RBFOX1: variants seen among roughly 807,000 people sequenced by gnomAD.
RBFOX1 encodes RNA binding protein fox-1 homolog 1.
A neutral mutation model predicts 57.7 loss-of-function variants in RBFOX1; 8 were observed. That is an observed-to-expected ratio of 0.14 (90% CI 0.08 to 0.25). The LOEUF is 0.25. RBFOX1 is among the 10% of genes least tolerant of loss of function. The probability of loss-of-function intolerance (pLI) is 1.00; values close to 1 mark genes in which losing one functional copy is unlikely to be tolerated. For missense variants in RBFOX1, 611 were observed against 548.5 expected (o/e 1.11, Z -1.14); for synonymous variants, 326 against 222.4 (o/e 1.47, Z -4.15).
intron 3 of RBFOX1, among the ~76,000 whole-genome samples, chr16:6,768,472 C>G (rs1056175481): frequency 6.6e-6 from 1 of 151,782 alleles, no homozygotes; most frequent in South Asian, 2.1e-4. Context: ...CCCACACAAG[C>G]CTTCTAAATG....
At chr16:6,999,225 A>ATTTTTTATTTT (rs200620958) in intron 3 of RBFOX1, among the ~76,000 whole-genome samples, 6 of 122,954 alleles carry the variant, frequency 4.9e-5, no homozygotes, top group Admixed American at 2.6e-4. Context: ...TATTTTTTTT[A>ATTTTTTATTTT]TTTATTTTTT....
chr16:5,971,264 A>C (rs1049446902), intron 4 of RBFOX1, among the ~76,000 whole-genome samples: 4 of 152,198 alleles, frequency 2.6e-5, no homozygotes, highest in Non-Finnish European at 5.9e-5. Context: ...TTCTGAGCCA[A>C]ATCAGTTTAG....
chr16:5,430,573 A>G (rs1166766204), intron 1 of RBFOX1, among the ~76,000 whole-genome samples: 1 of 152,190 alleles, frequency 6.6e-6, no homozygotes, highest in Non-Finnish European at 1.5e-5. Context: ...TCCAGGATTT[A>G]AACGCTAAGC....
intron 2 of RBFOX1, among the ~76,000 whole-genome samples, chr16:6,419,513 A>G (rs539499970): frequency 6.6e-6 from 1 of 152,314 alleles, no homozygotes; most frequent in Non-Finnish European, 1.5e-5. Flanking sequence ...ATTCAAGTAC[A>G]TTTCTACCAA....
chr16:6,732,297 A>T (rs911900638), intron 3 of RBFOX1, among the ~76,000 whole-genome samples: 30 of 152,168 alleles, frequency 2.0e-4, no homozygotes, highest in Non-Finnish European at 3.4e-4. Flanking sequence ...CAGCTCCAGA[A>T]TTCACCGTCT....
chr16:5,623,558 G>A (rs2048260564), intron 3 of RBFOX1, among the ~76,000 whole-genome samples: 1 of 149,950 alleles, frequency 6.7e-6, no homozygotes, highest in Admixed American at 6.6e-5. Context: ...GTGGCCGGAG[G>A]ACCACATGGT....
intron 4 of RBFOX1, among the ~76,000 whole-genome samples, chr16:7,250,433 C>T (rs1266525274): frequency 2.0e-5 from 3 of 152,272 alleles, no homozygotes; most frequent in Non-Finnish European, 2.9e-5. Flanking sequence ...TAAGTGAAAT[C>T]CTTCCTAAGT....
In RBFOX1 at chr16:5,905,064, C is replaced by CTTTT. The variant is rs57349384; in HGVS notation, c.351+37746_351+37749dup. On this transcript the variant is annotated intron_variant, in intron 4 of 19. Coordinates refer to the RBFOX1 transcript ENST00000641259. ...CCCATATGACTCCATATGACTGGTG[C>CTTTT]TTTTTTTTTTTTTTTTTTTTGAGAC... Among the ~76,000 whole-genome samples, 280 of 78,444 alleles carry CTTTT rather than the reference C, an allele frequency of 3.6e-3. 8 individuals carry two copies. The highest frequency in any genetic ancestry group is 0.012 in the African/African-American group (233 of 18,862). 51.5% of individuals were successfully genotyped at this position (78,444 alleles called of 152,430 possible).
At chr16:7,301,948 G>A (rs1417834243) in intron 4 of RBFOX1, among the ~76,000 whole-genome samples, 1 of 152,150 alleles carries the variant, frequency 6.6e-6, no homozygotes, top group Non-Finnish European at 1.5e-5. Flanking sequence ...AGTAAGAGAA[G>A]AAAAGAGGGA....
In RBFOX1 at chr16:7,409,074, C is replaced by T. The variant is rs140239667; in HGVS notation, c.28-109073C>T. Among the ~76,000 whole-genome samples the T allele has an allele frequency of 4.1e-3, 627 of 152,332 alleles. 10 individuals carry two copies. Among genetic ancestry groups the T allele is most frequent in the Non-Finnish European group, 3.3e-3 (225 of 68,038 alleles). On this transcript the variant is annotated intron_variant, in intron 4 of 15. Coordinates refer to ENST00000550418, the MANE Select transcript of RBFOX1 (RefSeq NM_018723.4). ...GCAAAGACGAGATTGCCTTGAACTC[C>T]TCCAGCTTTTCCCGATAACCCTGAG... is the stretch of plus-strand genomic sequence containing the variant.
intron 3 of RBFOX1, among the ~76,000 whole-genome samples, chr16:6,991,858 G>A (rs1043263718): frequency 6.6e-6 from 1 of 152,136 alleles, no homozygotes; most frequent in African/African-American, 2.4e-5. Flanking sequence ...AAATGTTAAT[G>A]TGCATAGGAA....
intron 3 of RBFOX1, among the ~76,000 whole-genome samples, chr16:5,816,912 G>T (rs1056352634): frequency 1.3e-5 from 2 of 152,170 alleles, no homozygotes; most frequent in Non-Finnish European, 2.9e-5. Flanking sequence ...TGGAGTACCT[G>T]AGATGTGTTG....
chr16:6,176,382 C>G (rs2097009469), intron 1 of RBFOX1, among the ~76,000 whole-genome samples: 1 of 139,016 alleles, frequency 7.2e-6, no homozygotes, highest in East Asian at 2.3e-4. Flanking sequence ...TGGTCTCAAA[C>G]TCCTGACCTC....
intron 3 of RBFOX1, among the ~76,000 whole-genome samples, chr16:6,935,327 C>T (rs1015275314): frequency 8.5e-5 from 13 of 152,066 alleles, no homozygotes; most frequent in Admixed American, 8.5e-4. Flanking sequence ...GATAGTTTCC[C>T]TTCATAAAGT....
chr16:6,619,533 C>A (rs886295653), intron 2 of RBFOX1, among the ~76,000 whole-genome samples: 5 of 152,068 alleles, frequency 3.3e-5, no homozygotes, highest in Non-Finnish European at 7.4e-5. Flanking sequence ...ACTGTAAACT[C>A]AGCTTAAGCA....
intron 4 of RBFOX1, among the ~76,000 whole-genome samples, chr16:7,334,008 C>G (rs565104688): frequency 6.6e-6 from 1 of 152,128 alleles, no homozygotes; most frequent in Non-Finnish European, 1.5e-5. Context: ...TACGTCCTTT[C>G]ACCTTTACTC....
Position 7,375,166 on chromosome 16 carries a change from A to G in RBFOX1, c.28-142981A>G, listed in dbSNP as rs116616599. On this transcript the variant is annotated intron_variant, in intron 4 of 15. Coordinates refer to ENST00000550418, the MANE Select transcript of RBFOX1 (RefSeq NM_018723.4). The stretch of plus-strand genomic sequence containing the variant: ...TCAGTAACGTTGGTAGATTAATATC[A>G]TTATCCCTACCCTATGATAAAGATT... 5.9e-3 allele frequency among the ~76,000 whole-genome samples: 894 copies of G among 152,364 alleles called. 8 individuals are homozygous for G. Among genetic ancestry groups the G allele is most frequent in the African/African-American group, 0.016 (686 of 41,582 alleles).
intron 4 of RBFOX1, among the ~76,000 whole-genome samples, chr16:7,120,790 C>G (rs541696434): frequency 1.7e-5 from 2 of 115,010 alleles, no homozygotes; most frequent in African/African-American, 3.1e-5. Flanking sequence ...TAATCTGATA[C>G]GAAAACCAGG....
chr16:7,228,357 A>T (rs910676558), intron 4 of RBFOX1, among the ~76,000 whole-genome samples: 1 of 152,152 alleles, frequency 6.6e-6, no homozygotes, highest in African/African-American at 2.4e-5. Flanking sequence ...ATCTTCTCCT[A>T]CTACCCCCCG....
Sources: allele counts gnomAD v4.1 joint callset (sites outside exome capture counted in the v4.1 genomes callset), GRCh38; gene constraint gnomAD v4.1.1; transcripts MANE v1.5; gene names NCBI Gene and HGNC (gene_info 2026-07-23, HGNC 2026-07-21).